ALPK3: variants seen among roughly 807,000 people sequenced by gnomAD.
The protein encoded by ALPK3 is alpha kinase 3, also known as alpha-protein kinase 3.
A neutral mutation model predicts 140.0 loss-of-function variants in ALPK3; 102 were observed. The observed-to-expected ratio is 0.73, with a 90% CI of 0.62 to 0.86. The LOEUF is 0.86. Among genes scored for constraint, ALPK3 ranks in the 40% least tolerant of loss-of-function variants. ALPK3 has a pLI of 0.00. For synonymous variants in ALPK3, 938 were observed against 898.5 expected (o/e 1.04, Z -0.79); for missense variants, 2,254 against 2,208.2 (o/e 1.02, Z -0.42).
chr15:84,823,029 G>C (rs1337775522), intron 1 of ALPK3, among the ~76,000 whole-genome samples: 1 of 152,244 alleles, frequency 6.6e-6, no homozygotes, highest in African/African-American at 2.4e-5. Context: ...CCCTCTTGGG[G>C]GCAGTGACCC....
At chr15:84,823,926 C>A (rs1411524379) in intron 2 of ALPK3, among the ~76,000 whole-genome samples, 1 of 152,208 alleles carries the variant, frequency 6.6e-6, no homozygotes, top group South Asian at 2.1e-4. Flanking sequence ...GTTCCCTGGT[C>A]TTGAACTCCT....
chr15:84,834,525 T>C (rs1027848990), intron 3 of ALPK3, among the ~76,000 whole-genome samples: 2 of 152,258 alleles, frequency 1.3e-5, no homozygotes, highest in East Asian at 1.9e-4. Context: ...TTCATTAATG[T>C]TGGCAATCAT....
At chr15:84,831,111 A>T (rs1272979251) in intron 3 of ALPK3, among the ~76,000 whole-genome samples, 1 of 152,158 alleles carries the variant, frequency 6.6e-6, no homozygotes, top group Non-Finnish European at 1.5e-5. Context: ...ACATTGTTCC[A>T]TTATCTTTTT....
chr15:84,858,092 G>A lies in ALPK3; in HGVS notation c.3354G>A (p.Ala1118=), dbSNP rs375245603. Residue 1118 remains alanine, a synonymous_variant, in exon 6 of 14, where the codon GCG becomes GCA. Coordinates refer to ENST00000258888, the MANE Select transcript of ALPK3 (RefSeq NM_020778.5). Reference sequence around the variant, plus strand: ...GCATGGCTGGTCGACTGGGGGAGGCGGGTGGGCAGGCAGCCCCTGGACAGG... The same window carrying A: ...GCATGGCTGGTCGACTGGGGGAGGCAGGTGGGCAGGCAGCCCCTGGACAGG... ...ESSMAGRLGE[A]GGQAAPGQGP... is the part of the protein sequence containing the mutation. 314 of 1,568,304 alleles carry A rather than the reference G, an allele frequency of 2.0e-4. 1 individual carries two copies. Among genetic ancestry groups the A allele is most frequent in the Non-Finnish European group, 2.2e-4 (255 of 1,160,722 alleles).
At chr15:84,835,672 C>T (rs1963590642) in intron 3 of ALPK3, among the ~76,000 whole-genome samples, 1 of 152,080 alleles carries the variant, frequency 6.6e-6, no homozygotes, top group African/African-American at 2.4e-5. Context: ...GTGCAGGTGA[C>T]GTTAGAGCTG....
intron 2 of ALPK3, among the ~76,000 whole-genome samples, chr15:84,824,678 A>C (rs1963465609): frequency 6.6e-6 from 1 of 152,152 alleles, no homozygotes; most frequent in African/African-American, 2.4e-5. Context: ...GGCAAACCAA[A>C]CCTTACCTAA....
At chr15:84,834,096 G>T (rs1963575198) in intron 3 of ALPK3, among the ~76,000 whole-genome samples, 1 of 152,098 alleles carries the variant, frequency 6.6e-6, no homozygotes. Context: ...TGTTCCTGAA[G>T]AAACTTTTTT....
rs182516 is a variant in ALPK3, at chr15:84,859,180, G to A, written c.3818-63G>A. The A allele has an allele frequency of 5.4e-3, 8,678 of 1,599,872 alleles. 35 individuals carry two copies. Among genetic ancestry groups the A allele is most frequent in the Middle Eastern group, 0.012 (56 of 4,856 alleles). On this transcript the variant is annotated intron_variant, in intron 6 of 13. Transcript: ENST00000258888. ...CAGCCTTTTCCACCAAGGACACCCA[G>A]GAGAGCAAGGATATGGCCAGAGGAG...
At position 84,839,952 on chromosome 15, in the gene ALPK3, C is replaced by T. The variant is rs2141556445; in HGVS notation, c.673C>T (p.Arg225Trp). Residue 225 changes from arginine to tryptophan, a missense_variant, in exon 5 of 14, where the codon CGG (arginine) becomes TGG (tryptophan). By Grantham distance (101) the Arg-to-Trp change is moderately radical. Transcript: ENST00000258888. ...KLSPDRFQRK[R>W]RLSGAQAPGP... ...CAGCCCCGACCGCTTCCAGCGAAAG[C>T]GGCGATTGAGCGGGGCTCAAGCGCC... 6.2e-7 allele frequency: 1 copy of T among 1,613,480 alleles called. No individual in the cohort carries two copies. Among genetic ancestry groups the T allele is most frequent in the Non-Finnish European group, 8.5e-7 (1 of 1,179,702 alleles).
Position 84,857,091 on chromosome 15 carries a change from A to T in ALPK3, c.2353A>T (p.Asn785Tyr). ...SEEAVVTASRNHEQTVLGPLS... is the reference protein window; with the variant it reads ...SEEAVVTASRYHEQTVLGPLS... The stretch of plus-strand genomic sequence containing the variant: ...GGAGGCAGTAGTAACAGCCTCCAGG[A>T]ACCATGAGCAAACTGTGCTGGGTCC... The change falls in exon 6 of 14, where the codon AAC (asparagine) becomes TAC (tyrosine). Residue 785 changes from asparagine to tyrosine, a missense_variant. Transcript: ENST00000258888. 6.2e-7 allele frequency: 1 copy of T among 1,614,208 alleles called. No homozygotes were observed. Among genetic ancestry groups the T allele is most frequent in the South Asian group, 1.1e-5 (1 of 91,084 alleles).
In ALPK3 at chr15:84,857,555, A is replaced by G. The variant is rs538304484; in HGVS notation, c.2817A>G (p.Val939=). The G allele has an allele frequency of 5.1e-6, 8 of 1,582,070 alleles. No individual in the cohort carries two copies. The East Asian group carries it at 1.1e-4, about 22-fold the overall frequency. Residue 939 remains valine, a synonymous_variant, in exon 6 of 14, where the codon GTA becomes GTG. Transcript: ENST00000258888. ...GCAGTGAGGGGGCCTGCGCCCAGGT[A>G]CCAGATGTGGAGGGGCGGACCCCAG... The part of the protein sequence containing the change: ...ATSSEGACAQ[V]PDVEGRTPGP...
Position 84,868,596 on chromosome 15 carries a change from C to A in ALPK3, c.*140C>A. 1.2e-6 allele frequency: 1 copy of A among 826,492 alleles called. No homozygotes were observed. Among genetic ancestry groups the A allele is most frequent in the Non-Finnish European group, 1.8e-6 (1 of 544,488 alleles). 51.2% of individuals were successfully genotyped at this position (826,492 alleles called of 1,614,324 possible). A position where few individuals can be genotyped will look rare whatever the true frequency, so the allele number is the denominator to read the frequency against. ...CCACTTGGGGACCTCTCTGAGCAGG[C>A]TCTCGTGAATCAGCTCGTCATCAGA... On this transcript the variant is annotated 3_prime_UTR_variant, in exon 14 of 14. Transcript: ENST00000258888.
chr15:84,833,149 A>C (rs1963561927), intron 3 of ALPK3, among the ~76,000 whole-genome samples: 1 of 152,126 alleles, frequency 6.6e-6, no homozygotes, highest in South Asian at 2.1e-4. Flanking sequence ...ATATCATAGC[A>C]CTTACTGTGC....
chr15:84,842,902 G>C (rs571637270), intron 5 of ALPK3, among the ~76,000 whole-genome samples: 1 of 152,322 alleles, frequency 6.6e-6, no homozygotes, highest in South Asian at 2.1e-4. Context: ...CAGCCCACAG[G>C]CTGGACAGCA....
chr15:84,831,270 T>C (rs1025308772), intron 3 of ALPK3, among the ~76,000 whole-genome samples: 1 of 152,220 alleles, frequency 6.6e-6, no homozygotes, highest in African/African-American at 2.4e-5. Context: ...GGAACATGCT[T>C]AGATGCTTTC....
intron 2 of ALPK3, 91 bp downstream of exon 2, chr15:84,823,459 A>G (rs1963451225): frequency 7.8e-7 from 1 of 1,289,158 alleles, no homozygotes; most frequent in African/African-American, 1.5e-5. Context: ...TGCACTAACC[A>G]GGCTGCATGG....
chr15:84,865,762 C>G (rs537119567), intron 12 of ALPK3, among the ~76,000 whole-genome samples: 3 of 152,252 alleles, frequency 2.0e-5, no homozygotes, highest in Admixed American at 6.5e-5. Flanking sequence ...AGTTCGAAAC[C>G]AGCCTGGCCA....
intron 5 of ALPK3, 124 bp downstream of exon 5, chr15:84,841,056 G>A: frequency 7.5e-7 from 1 of 1,325,710 alleles, no homozygotes; most frequent in Non-Finnish European, 1.0e-6. Flanking sequence ...GGGAGGGACT[G>A]GAGTGCCAGC....
chr15:84,872,136 C>T lies in ALPK3; in HGVS notation c.*3680C>T, dbSNP rs1440691577. The T allele has an allele frequency of 6.6e-6, 1 of 152,256 alleles. No homozygotes were observed. The highest frequency in any genetic ancestry group is 1.5e-5 in the Non-Finnish European group (1 of 68,062). 9.4% of individuals were successfully genotyped at this position (152,256 alleles called of 1,614,324 possible). A position where few individuals can be genotyped will look rare whatever the true frequency, so the allele number is the denominator to read the frequency against. The stretch of plus-strand genomic sequence containing the variant: ...GCACTGGCCATGCCAGACTTTATGG[C>T]TAGGCGGTCAGATAACACTACGAGG... On this transcript the variant is annotated 3_prime_UTR_variant, in exon 14 of 14. Transcript: ENST00000258888.
Sources: gnomAD v4.1 joint callset for allele counts (sites outside exome capture counted in the v4.1 genomes callset) on GRCh38, gnomAD v4.1.1 for gene constraint, MANE v1.5 for transcripts, NCBI Gene and HGNC (gene_info 2026-07-23, HGNC 2026-07-21) for gene names.